MADD: variants seen among roughly 807,000 people sequenced by gnomAD.
MADD encodes the protein MAP kinase activating death domain, also known as MAP kinase-activating death domain protein.
MADD carries 109 observed loss-of-function variants against 176.7 expected under a neutral mutation model. The ratio of observed to expected loss-of-function variants is 0.62; its 90% confidence interval spans 0.53 to 0.72. The LOEUF (loss-of-function observed/expected upper bound fraction) is 0.72. Ranked by LOEUF, MADD falls within the 30% of genes least tolerant of loss-of-function variation. MADD has a pLI of 0.00. For missense variants in MADD, 1,914 were observed against 2,045.5 expected (o/e 0.94, Z 1.24); for synonymous variants, 771 against 771.3 (o/e 1.00, Z 0.01).
chr11:47,328,307 C>G, intron 31 of MADD: 17 of 1,184,910 alleles, frequency 1.4e-5, no homozygotes, highest in Non-Finnish European at 1.7e-5. Context: ...GAATTCCCCA[C>G]TGCAGCTCCT....
intron 5 of MADD, 119 bp downstream of exon 5, chr11:47,276,982 C>A: frequency 8.1e-7 from 1 of 1,241,298 alleles, no homozygotes; most frequent in East Asian, 2.5e-5. Flanking sequence ...ACTTATTTGT[C>A]TACAAAATCT....
chr11:47,299,228 G>C (rs2075610249), intron 22 of MADD, among the ~76,000 whole-genome samples: 1 of 152,022 alleles, frequency 6.6e-6, no homozygotes, highest in African/African-American at 2.4e-5. Context: ...TTTTGGTAGG[G>C]ATTGCATTGA....
chr11:47,324,483 G>T, exon 30 of MADD: 1 of 1,613,730 alleles, frequency 6.2e-7, no homozygotes, highest in Non-Finnish European at 8.5e-7. Context: ...CCTGAATTGG[G>T]TGGCGAGTTC....
At chr11:47,301,768 T>C (rs982922838) in intron 22 of MADD, among the ~76,000 whole-genome samples, 1 of 152,266 alleles carries the variant, frequency 6.6e-6, no homozygotes. Context: ...TTTCTAATTT[T>C]CAGAGCACAG....
chr11:47,278,928 T>C (rs1591916300), intron 6 of MADD, 71 bp from the exon 7 acceptor site: 2 of 1,309,706 alleles, frequency 1.5e-6, no homozygotes, highest in East Asian at 4.7e-5. Context: ...TCCTCTTATT[T>C]TTATTTATGT....
rs147910993 is a variant in MADD, at chr11:47,291,241, C to T, written c.3301+425C>T. Among the ~76,000 whole-genome samples, 327 of 152,334 alleles carry T rather than the reference C, an allele frequency of 2.1e-3. 1 individual carries two copies. Among genetic ancestry groups the T allele is most frequent in the African/African-American group, 7.0e-3 (292 of 41,572 alleles). ...AGTGTCCTCCCATCCAACCATTATACTCCTCTGGAATGTGCTCCTCTGGGG... is the reference window on the plus strand; with the variant it reads ...AGTGTCCTCCCATCCAACCATTATATTCCTCTGGAATGTGCTCCTCTGGGG... On this transcript the variant is annotated intron_variant, in intron 19 of 32. Transcript: ENST00000402192.
rs2047472776 is a variant in MADD at position 47,274,071 on chromosome 11, G to C, written c.62+95G>C. 103 of 1,154,256 alleles carry C rather than the reference G, an allele frequency of 8.9e-5. 1 individual carries two copies. In the South Asian group the frequency reaches 1.3e-3, roughly 15 times the overall value. 71.5% of individuals were successfully genotyped at this position (1,154,256 alleles called of 1,614,324 possible). A position where few individuals can be genotyped will look rare whatever the true frequency, so the allele number is the denominator to read the frequency against. On this transcript the variant is annotated intron_variant, in intron 2 of 32. Coordinates refer to ENST00000402192, the Ensembl canonical transcript of MADD. ...TCCGATTTCCATGTTGCTTTGCATAGCTCATCTTCTCCTGTTATTTTACCC... is the reference window on the plus strand; with the variant it reads ...TCCGATTTCCATGTTGCTTTGCATACCTCATCTTCTCCTGTTATTTTACCC...
At chr11:47,304,234 T>A (rs2080600322) in intron 22 of MADD, among the ~76,000 whole-genome samples, 1 of 142,150 alleles carries the variant, frequency 7.0e-6, no homozygotes, top group Non-Finnish European at 1.5e-5. Flanking sequence ...TATTTTTTCC[T>A]TTTTTTTTTT....
chr11:47,326,589 T>C, intron 30 of MADD, 37 bp downstream of exon 34: 1 of 1,437,590 alleles, frequency 7.0e-7, no homozygotes. Context: ...TTCTTAGCGC[T>C]TTTGAGTTGT....
intron 27 of MADD, 41 bp from the exon 31 acceptor site, chr11:47,323,629 TC>T: frequency 6.2e-7 from 1 of 1,602,870 alleles, no homozygotes; most frequent in Non-Finnish European, 8.5e-7. Flanking sequence ...GGAGAGGCTG[TC>T]AGAGACAGGA....
chr11:47,279,067 G>A (rs761658421), exon 7 of MADD: 19 of 1,613,912 alleles, frequency 1.2e-5, no homozygotes, highest in Non-Finnish European at 1.6e-5. Context: ...AGCTGAAAAA[G>A]CATTTAAAGC....
At chr11:47,275,011 A>T (rs1298229128) in exon 3 of MADD, 2 of 1,614,104 alleles carry the variant, frequency 1.2e-6, no homozygotes, top group Non-Finnish European at 1.7e-6. Context: ...CCGCTCCCGC[A>T]ACAGTACTCT....
In MADD at chr11:47,281,574, G is replaced by A. The variant is rs1168161003; in HGVS notation, c.1291-1G>A. 6.2e-7 allele frequency: 1 copy of A among 1,602,130 alleles called. No homozygotes were observed. The highest frequency in any genetic ancestry group is 1.7e-5 in the Admixed American group (1 of 59,480). On this transcript the variant is annotated splice_acceptor_variant, in intron 7 of 32. Transcript: ENST00000402192. LOFTEE classifies it high-confidence loss of function. The stretch of plus-strand genomic sequence containing the variant: ...TAAGGAATTTTCTTGTTGTTCCACA[G>A]GCCTTGGCCAGCATGAGTCTCAACA...
chr11:47,289,550 T>C, intron 16 of MADD, 57 bp downstream of exon 17: 3 of 1,434,074 alleles, frequency 2.1e-6, no homozygotes, highest in Non-Finnish European at 3.0e-6. Flanking sequence ...GTGGTTCCTC[T>C]ACAGAACTTT....
intron 15 of MADD, among the ~76,000 whole-genome samples, chr11:47,288,714 T>G (rs999610034): frequency 6.6e-6 from 1 of 152,136 alleles, no homozygotes; most frequent in South Asian, 2.1e-4. Flanking sequence ...ATGTGTGTGT[T>G]CAGTACCTGA....
intron 22 of MADD, among the ~76,000 whole-genome samples, chr11:47,306,904 T>A (rs574408350): frequency 1.3e-4 from 20 of 152,268 alleles, no homozygotes; most frequent in Non-Finnish European, 2.5e-4. Flanking sequence ...TATTTACTTT[T>A]GAGACAAGGT....
At chr11:47,295,149 C>T (rs1051524701) in intron 20 of MADD, among the ~76,000 whole-genome samples, 4 of 151,560 alleles carry the variant, frequency 2.6e-5, no homozygotes, top group Admixed American at 1.3e-4. Context: ...CATCTGGGAC[C>T]GCAGGCACCC....
intron 22 of MADD, among the ~76,000 whole-genome samples, chr11:47,306,278 A>G (rs2082551344): frequency 6.6e-6 from 1 of 152,198 alleles, no homozygotes; most frequent in South Asian, 2.1e-4. Context: ...TTGTCAAGAC[A>G]TCAGGCTAGA....
At chr11:47,324,634 T>C (rs1274291575) in intron 30 of MADD, 57 bp downstream of exon 33, 1 of 1,192,298 alleles carries the variant, frequency 8.4e-7, no homozygotes, top group East Asian at 2.4e-5. Context: ...GAAGGACCAA[T>C]GTCCAAGCCC....
Sources: allele counts gnomAD v4.1 joint callset (sites outside exome capture counted in the v4.1 genomes callset), GRCh38; gene constraint gnomAD v4.1.1; transcripts MANE v1.5; gene names NCBI Gene and HGNC (gene_info 2026-07-23, HGNC 2026-07-21).